Variants in NHEJ1 observed in about 807,000 individuals in gnomAD.
NHEJ1 encodes non-homologous end-joining factor 1.
A neutral mutation model predicts 39.4 loss-of-function variants in NHEJ1; 22 were observed. The ratio of observed to expected loss-of-function variants is 0.56; its 90% CI spans 0.40 to 0.80. NHEJ1 has a LOEUF of 0.80. NHEJ1 is among the 30% of genes least tolerant of loss of function. The probability of loss-of-function intolerance (pLI) is 0.00; values close to 1 mark genes in which losing one functional copy is unlikely to be tolerated. For missense variants in NHEJ1, 329 were observed against 357.1 expected, an observed-to-expected ratio of 0.92 and a Z score of 0.63; for synonymous variants, 154 against 135.6, an observed-to-expected ratio of 1.14 and a Z score of -0.94.
Position 219,070,400 on chromosome 2 carries a change from C to G in NHEJ1, c.*5981G>C, listed in dbSNP as rs150573210. On this transcript the variant is annotated 3_prime_UTR_variant, in exon 8 of 8. Coordinates refer to ENST00000356853, the MANE Select transcript of NHEJ1 (RefSeq NM_024782.3). Reference sequence around the variant, plus strand: ...AGAGATGGGGTTTCACCATGTTGGCCAGGCTGGTCTCAAATTCCTGACCTC... The same window carrying G: ...AGAGATGGGGTTTCACCATGTTGGCGAGGCTGGTCTCAAATTCCTGACCTC... Among the ~76,000 whole-genome samples the G allele has an allele frequency of 0.016, 2,451 of 152,290 alleles. 68 individuals are homozygous for G. Among genetic ancestry groups the G allele is most frequent in the African/African-American group, 0.056 (2,313 of 41,544 alleles).
chr2:219,103,825 G>T (rs1415108089), intron 5 of NHEJ1, among the ~76,000 whole-genome samples: 1 of 152,146 alleles, frequency 6.6e-6, no homozygotes, highest in Non-Finnish European at 1.5e-5. Flanking sequence ...GTAGAGCCAG[G>T]TTTCAACTCA....
intron 5 of NHEJ1, among the ~76,000 whole-genome samples, chr2:219,098,375 A>G (rs536671817): frequency 6.6e-6 from 1 of 152,338 alleles, no homozygotes; most frequent in South Asian, 2.1e-4. Flanking sequence ...TCTTATAGAA[A>G]ACAAAAACTT....
At chr2:219,135,452 C>CA (rs1206729835) in intron 5 of NHEJ1, among the ~76,000 whole-genome samples, 1 of 151,908 alleles carries the variant, frequency 6.6e-6, no homozygotes, top group Admixed American at 6.6e-5. Context: ...ACTAAAAATA[C>CA]AAAAAAATTA....
At chr2:219,105,208 T>C (rs1949302407) in intron 5 of NHEJ1, among the ~76,000 whole-genome samples, 1 of 152,158 alleles carries the variant, frequency 6.6e-6, no homozygotes, top group Non-Finnish European at 1.5e-5. Context: ...TCCAGTAACA[T>C]AGGGTGTTAA....
At position 219,074,740 on chromosome 2, in the gene NHEJ1, T is replaced by TAA. The variant is rs576848890; in HGVS notation, c.*1639_*1640dup. Among the ~76,000 whole-genome samples, 30 of 140,412 alleles carry TAA rather than the reference T, an allele frequency of 2.1e-4. No homozygotes were observed. The highest frequency in any genetic ancestry group is 7.6e-4 in the African/African-American group (29 of 38,372). 92.1% of individuals were successfully genotyped at this position (140,412 alleles called of 152,430 possible). A position where few individuals can be genotyped will look rare whatever the true frequency, so the allele number is the denominator to read the frequency against. Reference sequence around the variant, plus strand: ...CTAGGCAACAAGAGCAAGACTCCATTAAAAAAAAAAAAAAGTAACAAAAGA... The same window carrying TAA: ...CTAGGCAACAAGAGCAAGACTCCATTAAAAAAAAAAAAAAAAGTAACAAAAGA... On this transcript the variant is annotated 3_prime_UTR_variant, in exon 8 of 8. Coordinates refer to ENST00000356853, the MANE Select transcript of NHEJ1 (RefSeq NM_024782.3).
At chr2:219,141,200 T>C (rs561608914) in intron 5 of NHEJ1, among the ~76,000 whole-genome samples, 2 of 152,090 alleles carry the variant, frequency 1.3e-5, no homozygotes, top group East Asian at 3.9e-4. Flanking sequence ...GCCAACATGG[T>C]GAAACTCCAT....
intron 6 of NHEJ1, among the ~76,000 whole-genome samples, chr2:219,077,731 C>G (rs1311229129): frequency 6.6e-6 from 1 of 152,032 alleles, no homozygotes; most frequent in Non-Finnish European, 1.5e-5. Context: ...CCACCTCGGC[C>G]TCCTGAAGTC....
At chr2:219,139,332 C>T (rs1050295297) in intron 5 of NHEJ1, among the ~76,000 whole-genome samples, 6 of 152,164 alleles carry the variant, frequency 3.9e-5, no homozygotes, top group Non-Finnish European at 7.3e-5. Context: ...AGGTGATCTG[C>T]CCGCCTCAGC....
intron 5 of NHEJ1, among the ~76,000 whole-genome samples, chr2:219,094,269 A>T (rs1949186418): frequency 6.6e-6 from 1 of 152,184 alleles, no homozygotes; most frequent in African/African-American, 2.4e-5. Context: ...TCCCAGAAAA[A>T]GATGGAGGGT....
chr2:219,117,759 C>G (rs753175703), intron 5 of NHEJ1, among the ~76,000 whole-genome samples: 1 of 152,158 alleles, frequency 6.6e-6, no homozygotes, highest in Non-Finnish European at 1.5e-5. Context: ...ATTAGCTGTG[C>G]GACTTTGGAC....
intron 5 of NHEJ1, among the ~76,000 whole-genome samples, chr2:219,100,955 C>A (rs904510728): frequency 6.6e-6 from 1 of 152,146 alleles, no homozygotes; most frequent in African/African-American, 2.4e-5. Context: ...AACTCCAATC[C>A]CCCCCTCAGA....
intron 5 of NHEJ1, among the ~76,000 whole-genome samples, chr2:219,096,014 A>G (rs1007874899): frequency 6.6e-6 from 1 of 152,188 alleles, no homozygotes; most frequent in Non-Finnish European, 1.5e-5. Context: ...CTAAAACTCA[A>G]CATCAAAGCC....
intron 5 of NHEJ1, among the ~76,000 whole-genome samples, chr2:219,104,397 A>G (rs1197737101): frequency 2.0e-5 from 3 of 152,242 alleles, no homozygotes; most frequent in African/African-American, 7.2e-5. Flanking sequence ...TAGTTGCTGC[A>G]GTGAGATCAG....
rs547752790 is a variant in NHEJ1 at position 219,089,443 on chromosome 2, T to C, written c.589-11237A>G. Reference sequence around the variant, plus strand: ...AAGTACTGATATTCGCTTTAATACATGAACCTTGAGAACATAATGCTAAGT... The same window carrying C: ...AAGTACTGATATTCGCTTTAATACACGAACCTTGAGAACATAATGCTAAGT... On this transcript the variant is annotated intron_variant, in intron 5 of 7. Coordinates refer to ENST00000356853, the MANE Select transcript of NHEJ1 (RefSeq NM_024782.3). 1.3e-4 allele frequency among the ~76,000 whole-genome samples: 20 copies of C among 152,338 alleles called. No individual in the cohort carries two copies. In the South Asian group the frequency reaches 4.1e-3, roughly 32 times the overall value.
rs1382631670 is a variant in NHEJ1, at chr2:219,157,687, A to G, written c.178-3T>C. The G allele has an allele frequency of 6.2e-7, 1 of 1,611,760 alleles. No individual in the cohort carries two copies. ...GCAGTGAGCCGCTTGTTCAGCTCCT[A>G]AAGAGAGAGCAGTGGTACAGAGTAA... On this transcript the variant is annotated splice_polypyrimidine_tract_variant and splice_region_variant and intron_variant, in intron 2 of 7. Coordinates refer to ENST00000356853, the MANE Select transcript of NHEJ1 (RefSeq NM_024782.3).
intron 5 of NHEJ1, among the ~76,000 whole-genome samples, chr2:219,078,590 A>G (rs1949035204): frequency 6.6e-6 from 1 of 152,272 alleles, no homozygotes; most frequent in African/African-American, 2.4e-5. Context: ...TAAACTAGAG[A>G]AAAATGATAA....
Position 219,140,255 on chromosome 2 carries a change from A to G in NHEJ1, c.588+6425T>C, listed in dbSNP as rs527938226. 8.5e-5 allele frequency among the ~76,000 whole-genome samples: 13 copies of G among 152,368 alleles called. No individual in the cohort carries two copies. The East Asian group carries it at 2.3e-3, about 27-fold the overall frequency. ...GAGGTCAGAAAGGTAAGAGAGTTCT[A>G]TAAGATCATATAGGGTTTTATAGGC... On this transcript the variant is annotated intron_variant, in intron 5 of 7. Coordinates refer to ENST00000356853, the MANE Select transcript of NHEJ1 (RefSeq NM_024782.3).
chr2:219,145,626 A>T (rs994157312), intron 5 of NHEJ1, among the ~76,000 whole-genome samples: 2 of 152,218 alleles, frequency 1.3e-5, no homozygotes, highest in African/African-American at 4.8e-5. Context: ...CTTGGGTAAC[A>T]TATATAATTA....
chr2:219,114,279 A>G (rs1949391019), intron 5 of NHEJ1, among the ~76,000 whole-genome samples: 1 of 152,188 alleles, frequency 6.6e-6, no homozygotes, highest in African/African-American at 2.4e-5. Context: ...GCCTACATTC[A>G]ACTCGATTCA....
Sources: gnomAD v4.1 joint callset for allele counts (sites outside exome capture counted in the v4.1 genomes callset) on GRCh38, gnomAD v4.1.1 for gene constraint, MANE v1.5 for transcripts, NCBI Gene and HGNC (gene_info 2026-07-23, HGNC 2026-07-21) for gene names.